SCRG1: variants seen among roughly 807,000 people sequenced by gnomAD.
SCRG1 encodes the protein scrapie-responsive protein 1.
In SCRG1, 3 loss-of-function variants were observed where a neutral mutation model predicts 7.7. The ratio of observed to expected loss-of-function variants is 0.39; its 90% CI spans 0.18 to 1.01. The LOEUF (loss-of-function observed/expected upper bound fraction) is 1.01. SCRG1 is among the 50% of genes least tolerant of loss of function. SCRG1 has a pLI of 0.36. For synonymous variants in SCRG1, 46 were observed against 41.2 expected (o/e 1.12, Z -0.44); for missense variants, 110 against 117.2 (o/e 0.94, Z 0.28).
At chr4:173,510,647 CT>C in the SCRG1 span, among the ~76,000 whole-genome samples, 3 of 152,012 alleles carry the variant, frequency 2.0e-5, no homozygotes, top group African/African-American at 4.8e-5. The surrounding 1 kb of genome is among the most constrained non-coding windows in gnomAD (Gnocchi z 5.7). Context: ...TTCCCTCCCC[CT>C]GGGATTCCCT....
chr4:173,400,939 G>A (rs886725258), upstream of SCRG1, among the ~76,000 whole-genome samples: 13 of 152,216 alleles, frequency 8.5e-5, no homozygotes, highest in Non-Finnish European at 1.6e-4. Context: ...AGGAAACTGA[G>A]AAGAGGTAGC....
chr4:173,422,065 T>A, the SCRG1 span, among the ~76,000 whole-genome samples: 1 of 152,210 alleles, frequency 6.6e-6, no homozygotes, highest in Non-Finnish European at 1.5e-5. Flanking sequence ...ATAATGGCTT[T>A]GGCTGAAACA....
At chr4:173,494,768 C>G in the SCRG1 span, among the ~76,000 whole-genome samples, 1 of 152,254 alleles carries the variant, frequency 6.6e-6, no homozygotes, top group Admixed American at 6.5e-5. Flanking sequence ...AATCCAGAAA[C>G]GTCTCTTGGT....
the SCRG1 span, among the ~76,000 whole-genome samples, chr4:173,462,547 A>G: frequency 6.6e-6 from 1 of 152,202 alleles, no homozygotes; most frequent in East Asian, 1.9e-4. Flanking sequence ...CCATCCCACA[A>G]GAAATGCTAA....
chr4:173,470,447 T>G, the SCRG1 span, among the ~76,000 whole-genome samples: 1 of 152,150 alleles, frequency 6.6e-6, no homozygotes, highest in Admixed American at 6.5e-5. Flanking sequence ...CAGGCAGTCT[T>G]TGGTTGCTGA....
the SCRG1 span, among the ~76,000 whole-genome samples, chr4:173,482,154 A>G: frequency 6.6e-6 from 1 of 152,212 alleles, no homozygotes; most frequent in Admixed American, 6.5e-5. Context: ...CATAATGGAA[A>G]TGGCATGGGA....
the SCRG1 span, among the ~76,000 whole-genome samples, chr4:173,442,862 G>T: frequency 5.9e-5 from 9 of 152,176 alleles, no homozygotes; most frequent in East Asian, 1.7e-3. Context: ...TGAGGTCAGG[G>T]TCCTCACAAC....
the SCRG1 span, among the ~76,000 whole-genome samples, chr4:173,496,292 A>C: frequency 2.6e-5 from 4 of 152,076 alleles, no homozygotes; most frequent in Non-Finnish European, 5.9e-5. Context: ...GGCAAAACTC[A>C]ATATTTGTCA....
intron 1 of SCRG1, among the ~76,000 whole-genome samples, chr4:173,394,992 AT>A (rs1279472692): frequency 6.6e-6 from 1 of 152,146 alleles, no homozygotes; most frequent in Non-Finnish European, 1.5e-5. Context: ...TTTCCTTATA[AT>A]TAAAAAGAAA....
the SCRG1 span, among the ~76,000 whole-genome samples, chr4:173,507,169 ACAAGGTCCGGAG>A: frequency 6.6e-6 from 1 of 152,136 alleles, no homozygotes; most frequent in East Asian, 1.9e-4. This position sits in a 1 kb window ranked among gnomAD's most constrained non-coding sequence, Gnocchi z 4.4. Context: ...TACTCCTTGC[ACAAGGTCCGGAG>A]CATGGCCCTG....
the SCRG1 span, among the ~76,000 whole-genome samples, chr4:173,487,938 C>T: frequency 1.3e-5 from 2 of 151,700 alleles, no homozygotes; most frequent in African/African-American, 4.8e-5. Flanking sequence ...CCCATCTCTA[C>T]TAAAATGAAA....
At chr4:173,403,261 T>C (rs1400488043), upstream of SCRG1, 1 of 152,094 alleles carries the variant, frequency 6.6e-6, no homozygotes, top group Non-Finnish European at 1.5e-5. Flanking sequence ...CCACCTCCCC[T>C]GCAGGGAGAG....
chr4:173,483,863 CAT>C, the SCRG1 span, among the ~76,000 whole-genome samples: 1 of 20,510 alleles, frequency 4.9e-5, no homozygotes, highest in African/African-American at 1.3e-4. Context: ...TTTCATATTA[CAT>C]ATGTTATATA....
At chr4:173,425,544 G>C in the SCRG1 span, among the ~76,000 whole-genome samples, 1 of 152,178 alleles carries the variant, frequency 6.6e-6, no homozygotes, top group African/African-American at 2.4e-5. Flanking sequence ...TAGGGGGCAG[G>C]TATGATGGAC....
the SCRG1 span, among the ~76,000 whole-genome samples, chr4:173,448,119 C>A: frequency 2.8e-4 from 43 of 152,112 alleles, no homozygotes; most frequent in African/African-American, 9.2e-4. Context: ...ACCAACCAAC[C>A]AAACAAACCA....
chr4:173,483,724 ATATATC>A, the SCRG1 span, among the ~76,000 whole-genome samples: 4 of 42,762 alleles, frequency 9.4e-5, 2 homozygotes, highest in African/African-American at 1.7e-4. Flanking sequence ...TTATATTGTG[ATATATC>A]ATATATATGA....
At chr4:173,510,423 C>CATATAT in the SCRG1 span, among the ~76,000 whole-genome samples, 56 of 149,202 alleles carry the variant, frequency 3.8e-4, 1 homozygote, top group African/African-American at 1.1e-3. The surrounding 1 kb of genome is among the most constrained non-coding windows in gnomAD (Gnocchi z 5.7). Context: ...AGGCCAAAAC[C>CATATAT]ATATATATAT....
At chr4:173,494,516 C>T in the SCRG1 span, among the ~76,000 whole-genome samples, 1 of 152,230 alleles carries the variant, frequency 6.6e-6, no homozygotes, top group African/African-American at 2.4e-5. Flanking sequence ...CCACTCGGAG[C>T]AAGCAAGGAA....
At chr4:173,456,314 CT>C in the SCRG1 span, among the ~76,000 whole-genome samples, 1 of 152,102 alleles carries the variant, frequency 6.6e-6, no homozygotes, top group Non-Finnish European at 1.5e-5. Flanking sequence ...TAATAAGTTT[CT>C]TTTTAGTGAA....
Sources: allele counts gnomAD v4.1 joint callset (sites outside exome capture counted in the v4.1 genomes callset), GRCh38; gene constraint gnomAD v4.1.1; non-coding constraint Gnocchi (gnomAD v3.1); transcripts MANE v1.5; gene names NCBI Gene and HGNC (gene_info 2026-07-23, HGNC 2026-07-21).